PTGES: variants seen among roughly 807,000 people sequenced by gnomAD.
PTGES encodes MGST1-like 1.
Under a neutral mutation model 11.8 loss-of-function variants are expected in PTGES, and 3 were observed. The observed-to-expected ratio is 0.25, with a 90% CI of 0.12 to 0.66. The LOEUF is 0.66. PTGES is among the 30% of genes least tolerant of loss of function. The pLI is 0.82. For missense variants in PTGES, 180 were observed against 213.0 expected, an observed-to-expected ratio of 0.85 and a Z score of 0.96; for synonymous variants, 94 against 90.4, an observed-to-expected ratio of 1.04 and a Z score of -0.22.
At position 129,739,523 on chromosome 9, in the gene PTGES, A is replaced by G. The variant is rs1186057173; in HGVS notation, c.*88T>C. 2 of 1,477,250 alleles carry G rather than the reference A, an allele frequency of 1.4e-6. No homozygotes were observed. Among genetic ancestry groups the G allele is most frequent in the East Asian group, 4.9e-5 (2 of 40,416 alleles). 91.5% of individuals were successfully genotyped at this position (1,477,250 alleles called of 1,614,324 possible). A position where few individuals can be genotyped will look rare whatever the true frequency, so the allele number is the denominator to read the frequency against. ...AGGAAACCAGGACTCAGGGCCCACCACAATCTGGAAGGAACATCAAGTCCC... is the reference window on the plus strand; with the variant it reads ...AGGAAACCAGGACTCAGGGCCCACCGCAATCTGGAAGGAACATCAAGTCCC... On this transcript the variant is annotated 3_prime_UTR_variant, in exon 3 of 3. Transcript: ENST00000340607. The surrounding 1 kb of genome is among the most constrained non-coding windows in gnomAD (Gnocchi z 5.7).
chr9:129,744,766 A>ACTC (rs1833034513), intron 2 of PTGES, among the ~76,000 whole-genome samples: 1 of 151,410 alleles, frequency 6.6e-6, no homozygotes, highest in African/African-American at 2.4e-5. Context: ...AATCCCAGCT[A>ACTC]CTCAGGAGGC....
chr9:129,745,959 G>A lies in PTGES; in HGVS notation c.209+2696C>T, dbSNP rs1275735924. ...TGAGGCAGGGGAATTGCTCGAACCC[G>A]GGAGGCAGAGGTTGCAGAGAGCCGA... On this transcript the variant is annotated intron_variant, in intron 2 of 2. Coordinates refer to ENST00000340607, the MANE Select transcript of PTGES (RefSeq NM_004878.5). This position sits in a 1 kb window ranked among gnomAD's most constrained non-coding sequence, Gnocchi z 4.2. Among the ~76,000 whole-genome samples the A allele has an allele frequency of 5.9e-5, 9 of 151,956 alleles. No individual in the cohort carries two copies. Among genetic ancestry groups the A allele is most frequent in the Non-Finnish European group, 1.0e-4 (7 of 67,994 alleles).
chr9:129,752,209 G>C (rs1163362427), intron 1 of PTGES, among the ~76,000 whole-genome samples: 1 of 152,238 alleles, frequency 6.6e-6, no homozygotes, highest in Non-Finnish European at 1.5e-5. Flanking sequence ...TGGGGAGGAA[G>C]TAACAGGTGC....
At chr9:129,751,953 C>A (rs1238003568) in intron 1 of PTGES, among the ~76,000 whole-genome samples, 1 of 152,216 alleles carries the variant, frequency 6.6e-6, no homozygotes, top group Non-Finnish European at 1.5e-5. Flanking sequence ...CCAGCCAAGG[C>A]AGGGAGAAGT....
intron 1 of PTGES, among the ~76,000 whole-genome samples, chr9:129,748,954 C>T (rs776969197): frequency 4.6e-5 from 7 of 152,198 alleles, no homozygotes; most frequent in Admixed American, 1.3e-4. Context: ...GCTCACAGTC[C>T]GATGGGGGAG....
chr9:129,748,826 T>A, intron 1 of PTGES, 89 bp from the exon 2 acceptor site: 1 of 1,129,424 alleles, frequency 8.9e-7, no homozygotes, highest in Non-Finnish European at 1.3e-6. Flanking sequence ...GAGTTCACAG[T>A]GGCAGGACAG....
rs201697263 is a variant in PTGES, at chr9:129,752,868, C to A, written c.126+19G>T. The A allele has an allele frequency of 3.1e-4, 493 of 1,613,876 alleles. 1 individual carries two copies. In the Middle Eastern group the frequency reaches 4.0e-3, roughly 13 times the overall value. ...AAGCAAGTATGACCCAGGCCGGGGA[C>A]CCCCAGGGAGGCACATACCTTCTTC... is the stretch of plus-strand genomic sequence containing the variant. On this transcript the variant is annotated intron_variant, in intron 1 of 2. Transcript: ENST00000340607.
chr9:129,749,344 C>G (rs938999710), intron 1 of PTGES, among the ~76,000 whole-genome samples: 2 of 152,098 alleles, frequency 1.3e-5, no homozygotes, highest in African/African-American at 4.8e-5. Flanking sequence ...TAGCAAGACC[C>G]CATCTCTAAA....
rs1481939974 is a variant in PTGES at position 129,748,704 on chromosome 9, C to T, written c.160G>A (p.Gly54Arg). The stretch of plus-strand genomic sequence containing the variant: ...TCGCTCCTGCAATACTGGGGGCCTC[C>T]GTGTCTCAGGGCATCCTCGGGGTTG... ...FANPEDALRH[G>R]GPQYCRSDPD... The change falls in exon 2 of 3, where the codon GGA (glycine) becomes AGA (arginine). Residue 54 changes from glycine to arginine, a missense_variant. By Grantham distance (125) the Gly-to-Arg change is moderately radical. Coordinates refer to ENST00000340607, the MANE Select transcript of PTGES (RefSeq NM_004878.5). 1.4e-5 allele frequency: 22 copies of T among 1,588,318 alleles called. No individual in the cohort carries two copies. The highest frequency in any genetic ancestry group is 2.7e-5 in the African/African-American group (2 of 72,754).
intron 2 of PTGES, among the ~76,000 whole-genome samples, chr9:129,743,559 A>G (rs1425493018): frequency 6.6e-6 from 1 of 152,198 alleles, no homozygotes; most frequent in East Asian, 1.9e-4. Context: ...CGGTGAGGAC[A>G]GTGATCCCCA....
At position 129,739,429 on chromosome 9, in the gene PTGES, C is replaced by T. The variant is rs201321556; in HGVS notation, c.*182G>A. The T allele has an allele frequency of 1.1e-5, 9 of 790,728 alleles. No homozygotes were observed. In the African/African-American group the frequency reaches 1.4e-4, roughly 12 times the overall value. The allele number at this position is 790,728 out of a possible 1,614,324, so 49.0% of individuals were successfully genotyped here. The stretch of plus-strand genomic sequence containing the variant: ...CAAGGGGCTAAGAAACATACACACA[C>T]ACATACACACACACGGGCACACACA... On this transcript the variant is annotated 3_prime_UTR_variant, in exon 3 of 3. Transcript: ENST00000340607. The surrounding 1 kb of genome is among the most constrained non-coding windows in gnomAD (Gnocchi z 5.7).
intron 2 of PTGES, among the ~76,000 whole-genome samples, chr9:129,742,829 G>C (rs942918944): frequency 6.6e-6 from 1 of 151,482 alleles, no homozygotes; most frequent in Admixed American, 6.6e-5. Context: ...CCAACATCGC[G>C]CCACTGCACT....
chr9:129,752,869 C>T lies in PTGES; in HGVS notation c.126+18G>A, dbSNP rs760532850. On this transcript the variant is annotated intron_variant, in intron 1 of 2. Coordinates refer to ENST00000340607, the MANE Select transcript of PTGES (RefSeq NM_004878.5). ...AGCAAGTATGACCCAGGCCGGGGAC[C>T]CCCAGGGAGGCACATACCTTCTTCC... The T allele has an allele frequency of 2.5e-6, 4 of 1,613,938 alleles. No homozygotes were observed. Among genetic ancestry groups the T allele is most frequent in the Non-Finnish European group, 3.4e-6 (4 of 1,180,044 alleles).
intron 2 of PTGES, among the ~76,000 whole-genome samples, chr9:129,746,815 T>C (rs548816198): frequency 7.4e-4 from 113 of 152,350 alleles, no homozygotes; most frequent in Admixed American, 2.1e-3. Context: ...TGGTAAAAGA[T>C]GGCAGAGCAG....
intron 2 of PTGES, among the ~76,000 whole-genome samples, chr9:129,741,062 AG>A (rs1415054158): frequency 6.6e-6 from 1 of 152,188 alleles, no homozygotes; most frequent in African/African-American, 2.4e-5. Context: ...CCTGACCAAA[AG>A]GAAAGAGGGG....
rs1308302493 is a variant in PTGES, at chr9:129,745,329, G to A, written c.209+3326C>T. 6.6e-6 allele frequency among the ~76,000 whole-genome samples: 1 copy of A among 152,192 alleles called. No individual in the cohort carries two copies. Among genetic ancestry groups the A allele is most frequent in the Non-Finnish European group, 1.5e-5 (1 of 68,042 alleles). On this transcript the variant is annotated intron_variant, in intron 2 of 2. Transcript: ENST00000340607. This position sits in a 1 kb window ranked among gnomAD's most constrained non-coding sequence, Gnocchi z 4.2. ...TAGGCTCACATTTGGACTGCAGCAT[G>A]TGCTAACCTGCAAGGCAGATTCATG...
rs979894948 is a variant in PTGES, at chr9:129,745,011, G to A, written c.209+3644C>T. ...CAAATCTCTCTCACTCTCTGGGACT[G>A]CGTTCACTATGTACAAAATGTACAT... is the stretch of plus-strand genomic sequence containing the variant. On this transcript the variant is annotated intron_variant, in intron 2 of 2. Transcript: ENST00000340607. The surrounding 1 kb of genome is among the most constrained non-coding windows in gnomAD (Gnocchi z 4.2). 3.3e-5 allele frequency among the ~76,000 whole-genome samples: 5 copies of A among 152,170 alleles called. No individual in the cohort carries two copies. The South Asian group carries it at 1.0e-3, about 32-fold the overall frequency.
chr9:129,746,666 G>A (rs1007218328), intron 2 of PTGES, among the ~76,000 whole-genome samples: 1 of 152,154 alleles, frequency 6.6e-6, no homozygotes, highest in Non-Finnish European at 1.5e-5. Context: ...CGCCTGTGAT[G>A]CAGGGGAATG....
intron 1 of PTGES, among the ~76,000 whole-genome samples, chr9:129,750,324 C>T (rs753118536): frequency 2.6e-5 from 4 of 152,232 alleles, no homozygotes; most frequent in Non-Finnish European, 5.9e-5. Flanking sequence ...GGTGGGCCTG[C>T]CCTGCCCTAC....
Sources: allele counts gnomAD v4.1 joint callset (sites outside exome capture counted in the v4.1 genomes callset), GRCh38; gene constraint gnomAD v4.1.1; non-coding constraint Gnocchi (gnomAD v3.1); transcripts MANE v1.5; gene names NCBI Gene and HGNC (gene_info 2026-07-23, HGNC 2026-07-21).